Variants in ANK1 observed in about 807,000 individuals in gnomAD.
ANK1 encodes the protein ankyrin 1.
A neutral mutation model predicts 210.4 loss-of-function variants in ANK1; 51 were observed. That is an observed-to-expected ratio of 0.24 (90% confidence interval 0.19 to 0.31). ANK1 has a LOEUF of 0.31. Among genes scored for constraint, ANK1 ranks in the 10% least tolerant of loss-of-function variants. ANK1 has a pLI of 1.00. For missense variants in ANK1, 2,051 were observed against 2,504.4 expected (o/e 0.82, Z 3.86); for synonymous variants, 967 against 1,025.9 (o/e 0.94, Z 1.10).
intron 38 of ANK1, among the ~76,000 whole-genome samples, chr8:41,669,256 A>C (rs1457091786): frequency 6.6e-6 from 1 of 151,522 alleles, no homozygotes; most frequent in Non-Finnish European, 1.5e-5. Flanking sequence ...CTCCTCCTAG[A>C]CCTACAGCTG....
In ANK1 at chr8:41,684,526, G is replaced by T; in HGVS notation, c.4537+18C>A. The T allele has an allele frequency of 6.2e-7, 1 of 1,613,392 alleles. No homozygotes were observed. Reference sequence around the variant, plus strand: ...CAGGGCTCCGGCTCAGTCCCCATCTGGTCCAGGTGACACTCACCATTCATC... The same window carrying T: ...CAGGGCTCCGGCTCAGTCCCCATCTTGTCCAGGTGACACTCACCATTCATC... On this transcript the variant is annotated intron_variant, in intron 37 of 42. Transcript: ENST00000289734.
At chr8:41,747,356 G>T (rs2150695091) in intron 2 of ANK1, among the ~76,000 whole-genome samples, 1 of 152,100 alleles carries the variant, frequency 6.6e-6, no homozygotes, top group Non-Finnish European at 1.5e-5. Context: ...GTGTCATTTT[G>T]CCTGTGACTT....
Position 41,884,570 on chromosome 8 carries a change from C to T in ANK1, c.126+11785G>A, listed in dbSNP as rs79097321. Among the ~76,000 whole-genome samples the T allele has an allele frequency of 5.9e-3, 891 of 151,610 alleles. 10 individuals carry two copies. Among genetic ancestry groups the T allele is most frequent in the African/African-American group, 0.018 (755 of 41,314 alleles). On this transcript the variant is annotated intron_variant, in intron 1 of 42. Transcript: ENST00000265709. ...TGAGTAGAGGCCGAGCACCGCGGCT[C>T]GCATCTGTAATCCCAGAGCTTTCAG...
chr8:41,867,986 A>G (rs993657844), intron 1 of ANK1, among the ~76,000 whole-genome samples: 1 of 152,076 alleles, frequency 6.6e-6, no homozygotes, highest in Non-Finnish European at 1.5e-5. Context: ...CAGCCTCCCA[A>G]GTAGCTGGGA....
intron 1 of ANK1, among the ~76,000 whole-genome samples, chr8:41,865,691 T>C (rs1440353963): frequency 6.6e-6 from 1 of 151,090 alleles, no homozygotes; most frequent in Non-Finnish European, 1.5e-5. Flanking sequence ...GACCTGGGAG[T>C]CAGCCTAGAT....
At chr8:41,848,641 A>G (rs1810558888) in intron 1 of ANK1, among the ~76,000 whole-genome samples, 1 of 152,182 alleles carries the variant, frequency 6.6e-6, no homozygotes, top group Non-Finnish European at 1.5e-5. Context: ...TTCTCCTTCC[A>G]CCTTGAAGGT....
intron 37 of ANK1, among the ~76,000 whole-genome samples, chr8:41,675,146 A>G (rs1038643352): frequency 6.6e-6 from 1 of 152,230 alleles, no homozygotes. Context: ...GCTGGAGTGC[A>G]GTAATGCAAT....
At chr8:41,845,684 C>T (rs539159005) in intron 1 of ANK1, among the ~76,000 whole-genome samples, 255 of 152,222 alleles carry the variant, frequency 1.7e-3, no homozygotes, top group Non-Finnish European at 3.0e-3. Context: ...GATCCTGGCT[C>T]ATTTGCATAA....
intron 2 of ANK1, among the ~76,000 whole-genome samples, chr8:41,745,887 A>T (rs531866386): frequency 3.9e-5 from 6 of 152,086 alleles, no homozygotes; most frequent in African/African-American, 2.4e-5. Context: ...TTTAATTTTT[A>T]AATTATTGAT....
At chr8:41,838,105 A>G (rs1262118107) in intron 1 of ANK1, among the ~76,000 whole-genome samples, 1 of 152,198 alleles carries the variant, frequency 6.6e-6, no homozygotes, top group Non-Finnish European at 1.5e-5. Flanking sequence ...AATAACATAA[A>G]TTGCCACTGT....
intron 3 of ANK1, 49 bp downstream of exon 3, chr8:41,733,922 C>T (rs372729584): frequency 4.6e-6 from 7 of 1,529,154 alleles, no homozygotes; most frequent in Non-Finnish European, 6.3e-6. Context: ...GAAGGACTCA[C>T]AAACTTGAAT....
chr8:41,739,209 C>G (rs1343188079), intron 2 of ANK1, among the ~76,000 whole-genome samples: 1 of 152,186 alleles, frequency 6.6e-6, no homozygotes, highest in Non-Finnish European at 1.5e-5. Context: ...GACTTATCCT[C>G]AAGTTCTTTA....
upstream of ANK1, among the ~76,000 whole-genome samples, chr8:41,799,388 A>T (rs1849498714): frequency 6.6e-6 from 1 of 152,146 alleles, no homozygotes. Context: ...CTCAGAACAT[A>T]GCAAGTGCTC....
chr8:41,865,631 T>C (rs999582403), intron 1 of ANK1, among the ~76,000 whole-genome samples: 5 of 151,796 alleles, frequency 3.3e-5, no homozygotes, highest in Admixed American at 2.0e-4. Context: ...TTCTCTCCCC[T>C]CCTTTCCACA....
chr8:41,822,122 G>GAA (rs1176467697), intron 1 of ANK1, among the ~76,000 whole-genome samples: 1 of 31,938 alleles, frequency 3.1e-5, no homozygotes, highest in Non-Finnish European at 7.4e-5. Context: ...GAGAAAGAAA[G>GAA]AGAAAGAAAG....
chr8:41,744,462 C>T lies in ANK1; in HGVS notation c.130-10393G>A, dbSNP rs529265076. The stretch of plus-strand genomic sequence containing the variant: ...AAGCAGTGAACTTATAGTAGAAAAA[C>T]GTGGCTGGCACCAACTTTACTTGGT... On this transcript the variant is annotated intron_variant, in intron 2 of 42. Transcript: ENST00000289734. Among the ~76,000 whole-genome samples the T allele has an allele frequency of 2.2e-4, 34 of 151,758 alleles. No homozygotes were observed. In the South Asian group the frequency reaches 3.5e-3, roughly 16 times the overall value.
intron 9 of ANK1, among the ~76,000 whole-genome samples, chr8:41,720,385 A>G (rs969892402): frequency 3.3e-5 from 5 of 152,198 alleles, no homozygotes; most frequent in African/African-American, 1.2e-4. Context: ...TTGGATCTAA[A>G]TCCCTCTGTT....
rs938474191 is a variant in ANK1, at chr8:41,654,813, T to C, written c.*977A>G. On this transcript the variant is annotated 3_prime_UTR_variant, in exon 43 of 43. Coordinates refer to ENST00000289734, the MANE Select transcript of ANK1 (RefSeq NM_000037.4). ...TTGAAGACATAGAAAACCTCTTCTC[T>C]ATGGACATGCTGGTGCAATCCTGGG... The C allele has an allele frequency of 4.6e-5, 7 of 152,742 alleles. No individual in the cohort carries two copies. Among genetic ancestry groups the C allele is most frequent in the African/African-American group, 1.4e-4 (6 of 41,464 alleles). 9.5% of individuals were successfully genotyped at this position (152,742 alleles called of 1,614,324 possible).
intron 13 of ANK1, among the ~76,000 whole-genome samples, 175 bp downstream of exon 13, chr8:41,716,778 G>A (rs1182780820): frequency 6.6e-6 from 1 of 152,110 alleles, no homozygotes; most frequent in East Asian, 1.9e-4. Context: ...AATACCCCTG[G>A]TCTTCTCAAA....
Sources: gnomAD v4.1 joint callset for allele counts (sites outside exome capture counted in the v4.1 genomes callset) on GRCh38, gnomAD v4.1.1 for gene constraint, MANE v1.5 for transcripts, NCBI Gene and HGNC (gene_info 2026-07-23, HGNC 2026-07-21) for gene names.